PDE1C: variants seen among roughly 807,000 people sequenced by gnomAD.
PDE1C encodes dual specificity calcium/calmodulin-dependent 3',5'-cyclic nucleotide phosphodiesterase 1C.
In PDE1C, 62 loss-of-function variants were observed where a neutral mutation model predicts 93.1. The ratio of observed to expected loss-of-function variants is 0.67; its 90% confidence interval spans 0.54 to 0.82. The LOEUF is 0.82. PDE1C is among the 40% of genes least tolerant of loss of function. The pLI is 0.00. For missense variants in PDE1C, 742 were observed against 884.6 expected, an observed-to-expected ratio of 0.84 and a Z score of 2.04; for synonymous variants, 325 against 310.1, an observed-to-expected ratio of 1.05 and a Z score of -0.50.
rs527907105 is a variant in PDE1C, at chr7:32,156,008, G to C, written c.308+13777C>G. Among the ~76,000 whole-genome samples the C allele has an allele frequency of 3.9e-5, 6 of 152,304 alleles. No homozygotes were observed. In the South Asian group the frequency reaches 1.2e-3, roughly 32 times the overall value. On this transcript the variant is annotated intron_variant, in intron 3 of 18. Coordinates refer to the PDE1C transcript ENST00000396193. ...ATGATTCACCCAAACTCCTTTCTCT[G>C]GCTAAGTAACTGCCTCCCCCAACCC...
At chr7:31,851,025 C>A (rs1437959565) in intron 7 of PDE1C, 4 of 334,070 alleles carry the variant, frequency 1.2e-5, no homozygotes, top group East Asian at 6.6e-5. Flanking sequence ...GCCCTCATTG[C>A]ATCCTCCCCC....
rs139502979 is a variant in PDE1C, at chr7:32,224,896, A to C, written c.86-15357T>G. Among the ~76,000 whole-genome samples the C allele has an allele frequency of 4.2e-3, 639 of 152,254 alleles. 6 individuals are homozygous for C. Among genetic ancestry groups the C allele is most frequent in the African/African-American group, 0.014 (584 of 41,550 alleles). Reference sequence around the variant, plus strand: ...ACGTTAGAAGAAAAATAACCTAAAAAAAATGGGGGCAGGAAAAACCCAGCT... The same window carrying C: ...ACGTTAGAAGAAAAATAACCTAAAACAAATGGGGGCAGGAAAAACCCAGCT... On this transcript the variant is annotated intron_variant, in intron 1 of 18. Transcript: ENST00000396193.
intron 2 of PDE1C, among the ~76,000 whole-genome samples, chr7:31,965,120 C>T (rs556328330): frequency 2.6e-5 from 4 of 152,174 alleles, no homozygotes; most frequent in Admixed American, 2.0e-4. Context: ...ATGACTTTGA[C>T]GAGTTGAGAG....
At position 32,391,441 on chromosome 7, in the gene PDE1C, G is replaced by C. The variant is rs111679526; in HGVS notation, c.310+36381C>G. 7.5e-3 allele frequency among the ~76,000 whole-genome samples: 1,142 copies of C among 152,214 alleles called. 19 individuals carry two copies. Among genetic ancestry groups the C allele is most frequent in the African/African-American group, 0.026 (1,085 of 41,542 alleles). ...ATCCACTCTGAATAATGAATAAACAGCTAGACAGAAAAGTCAGCAAGAGTA... is the reference window on the plus strand; with the variant it reads ...ATCCACTCTGAATAATGAATAAACACCTAGACAGAAAAGTCAGCAAGAGTA... On this transcript the variant is annotated intron_variant, in intron 1 of 1. Transcript: ENST00000672256.
intron 2 of PDE1C, among the ~76,000 whole-genome samples, chr7:31,991,537 A>G (rs191404620): frequency 6.6e-6 from 1 of 152,340 alleles, no homozygotes; most frequent in East Asian, 1.9e-4. Context: ...GCTTGGGAGC[A>G]CTGTGAGGAT....
intron 1 of PDE1C, among the ~76,000 whole-genome samples, chr7:32,391,809 A>G (rs893002172): frequency 6.6e-6 from 1 of 152,116 alleles, no homozygotes; most frequent in Non-Finnish European, 1.5e-5. Flanking sequence ...AAAGCATACT[A>G]TATCAAAATT....
At chr7:31,623,269 C>T in the PDE1C span, among the ~76,000 whole-genome samples, 31 of 152,104 alleles carry the variant, frequency 2.0e-4, no homozygotes, top group South Asian at 2.3e-3. Context: ...CCAGCATCAT[C>T]CTGATACCAA....
At chr7:31,831,792 AG>A (rs1238250354) in intron 11 of PDE1C, among the ~76,000 whole-genome samples, 65 of 152,124 alleles carry the variant, frequency 4.3e-4, no homozygotes, top group Non-Finnish European at 7.4e-5. Flanking sequence ...GTGAAGAAGA[AG>A]AAGAGGAAGG....
chr7:31,635,632 T>C, the PDE1C span, among the ~76,000 whole-genome samples: 1 of 152,198 alleles, frequency 6.6e-6, no homozygotes, highest in African/African-American at 2.4e-5. Context: ...TTGTAGTTGT[T>C]TATTTTCATT....
chr7:32,237,765 T>TATATATATATATATATATA (rs1562607094), intron 1 of PDE1C, among the ~76,000 whole-genome samples: 4 of 74,040 alleles, frequency 5.4e-5, no homozygotes, highest in Non-Finnish European at 9.9e-5. Context: ...TATATATACT[T>TATATATATATATATATATA]TTTTTTTTTT....
In PDE1C at chr7:32,067,390, C is replaced by T. The variant is rs117211830; in HGVS notation, c.101+2903G>A. On this transcript the variant is annotated intron_variant, in intron 1 of 17. Coordinates refer to ENST00000396191, the MANE Select transcript of PDE1C (RefSeq NM_001191057.4). ...CTAGCTGGAGGAGACAGACAATAAA[C>T]CTAAAAATAAATAAACTATACAGCA... 3.4e-3 allele frequency among the ~76,000 whole-genome samples: 517 copies of T among 152,180 alleles called. 2 individuals are homozygous for T. Among genetic ancestry groups the T allele is most frequent in the Non-Finnish European group, 5.8e-3 (397 of 68,010 alleles).
chr7:31,677,316 A>G, the PDE1C span, among the ~76,000 whole-genome samples: 1 of 152,202 alleles, frequency 6.6e-6, no homozygotes, highest in Admixed American at 6.5e-5. Context: ...GTGAAGGGAG[A>G]CAATTGACAC....
intron 1 of PDE1C, among the ~76,000 whole-genome samples, chr7:32,365,284 G>A (rs114798832): frequency 0.038 from 5,843 of 152,206 alleles, 298 homozygotes; most frequent in African/African-American, 0.11. Flanking sequence ...AAGCAGCCAT[G>A]AGCCCACATC....
intron 6 of PDE1C, 151 bp downstream of exon 6, chr7:31,873,141 A>T: frequency 1.7e-6 from 1 of 578,042 alleles, no homozygotes; most frequent in Non-Finnish European, 3.1e-6. Context: ...TCCACAGAGG[A>T]ATTCACAGCA....
At chr7:31,831,498 GCACACACACACA>G (rs56323846) in intron 11 of PDE1C, among the ~76,000 whole-genome samples, 1 of 148,978 alleles carries the variant, frequency 6.7e-6, no homozygotes, top group Non-Finnish European at 1.5e-5. Flanking sequence ...ACACATGCAC[GCACACACACACA>G]CACACACACG....
At chr7:31,801,224 T>C (rs183144225) in intron 16 of PDE1C, among the ~76,000 whole-genome samples, 13 of 151,256 alleles carry the variant, frequency 8.6e-5, no homozygotes, top group East Asian at 3.9e-4. Flanking sequence ...CCTTTAGCCA[T>C]GCAGATCAGG....
At chr7:31,929,176 C>T (rs1478504271) in intron 2 of PDE1C, among the ~76,000 whole-genome samples, 1 of 150,680 alleles carries the variant, frequency 6.6e-6, no homozygotes, top group African/African-American at 2.4e-5. Flanking sequence ...CAACAAGGAT[C>T]AAAAAAGACA....
the PDE1C span, chr7:31,652,906 C>G: frequency 1.3e-6 from 2 of 1,546,976 alleles, no homozygotes; most frequent in Non-Finnish European, 1.7e-6. Flanking sequence ...TCAATTTTCC[C>G]CAAGGAGAAG....
chr7:31,951,256 T>C (rs187017211), intron 2 of PDE1C, among the ~76,000 whole-genome samples: 3 of 152,342 alleles, frequency 2.0e-5, no homozygotes, highest in East Asian at 3.9e-4. Context: ...ATATTTTTCA[T>C]TTCAGTCTCT....
Sources: allele counts gnomAD v4.1 joint callset (sites outside exome capture counted in the v4.1 genomes callset), GRCh38; gene constraint gnomAD v4.1.1; transcripts MANE v1.5; gene names NCBI Gene and HGNC (gene_info 2026-07-23, HGNC 2026-07-21).